MRPL42: variants seen among roughly 807,000 people sequenced by gnomAD.
MRPL42 encodes mitochondrial ribosomal protein L42, also known as large ribosomal subunit protein mL42.
A neutral mutation model predicts 17.9 loss-of-function variants in MRPL42; 17 were observed. That is an observed-to-expected ratio of 0.95 (90% confidence interval 0.65 to 1.42). MRPL42 has a LOEUF of 1.42. Among genes scored for constraint, MRPL42 ranks in the 40% most tolerant of loss-of-function variants. The pLI is 0.00. For missense variants in MRPL42, 177 were observed against 175.2 expected, an observed-to-expected ratio of 1.01 and a Z score of -0.06; for synonymous variants, 59 against 54.4, an observed-to-expected ratio of 1.08 and a Z score of -0.37.
chr12:93,497,270 A>G (rs1953523657), intron 5 of MRPL42, among the ~76,000 whole-genome samples: 1 of 152,164 alleles, frequency 6.6e-6, no homozygotes, highest in African/African-American at 2.4e-5. Context: ...TGACAGAGAC[A>G]TAACAGAAAA....
At position 93,501,188 on chromosome 12, in the gene MRPL42, T is replaced by C. The variant is rs761979314; in HGVS notation, c.396T>C (p.Cys132=). The part of the protein sequence containing the change: ...RWYPHGRYHR[C]RKNLNPPKDR ...TCTTCTTTTCAAGGTATCACAGATG[T>C]CGTAAGAATCTGAATCCTCCAAAAG... Residue 132 remains cysteine (C), a synonymous_variant, in exon 6 of 6, where the codon TGT becomes TGC. Coordinates refer to ENST00000549982, the MANE Select transcript of MRPL42 (RefSeq NM_014050.4). The C allele has an allele frequency of 1.9e-6, 3 of 1,600,664 alleles. No homozygotes were observed. The African/African-American group carries it at 4.0e-5, about 22-fold the overall frequency.
rs1209752797 is a variant in MRPL42, at chr12:93,510,703, A to G, written c.*9482A>G. The G allele has an allele frequency of 6.6e-6, 1 of 152,156 alleles. No homozygotes were observed. Among genetic ancestry groups the G allele is most frequent in the Non-Finnish European group, 1.5e-5 (1 of 68,032 alleles). The allele number at this position is 152,156 out of a possible 1,614,324, so 9.4% of individuals were successfully genotyped here. ...TCTGCTCAGACAGCTCATCCACATC[A>G]CATTTATTTTAATTTGCATTTCCCT... On this transcript the variant is annotated 3_prime_UTR_variant, in exon 6 of 6. Transcript: ENST00000549982.
Position 93,513,726 on chromosome 12 carries a change from A to C in MRPL42, c.*12505A>C, listed in dbSNP as rs1413977794. On this transcript the variant is annotated 3_prime_UTR_variant, in exon 6 of 6. Transcript: ENST00000549982. ...TTTATTGAAATTTAATTTTATATCC[A>C]TTAACATAATTAAAAATTGGGGCTT... 1 of 152,176 alleles carries C rather than the reference A, an allele frequency of 6.6e-6. No individual in the cohort carries two copies. Among genetic ancestry groups the C allele is most frequent in the Non-Finnish European group, 1.5e-5 (1 of 68,024 alleles). 9.4% of individuals were successfully genotyped at this position (152,176 alleles called of 1,614,324 possible). A position where few individuals can be genotyped will look rare whatever the true frequency, so the allele number is the denominator to read the frequency against.
rs1406768353 is a variant in MRPL42, at chr12:93,513,663, A to T, written c.*12442A>T. The T allele has an allele frequency of 1.3e-5, 2 of 151,966 alleles. No individual in the cohort carries two copies. Among genetic ancestry groups the T allele is most frequent in the African/African-American group, 4.8e-5 (2 of 41,420 alleles). The allele number at this position is 151,966 out of a possible 1,614,324, so 9.4% of individuals were successfully genotyped here. A position where few individuals can be genotyped will look rare whatever the true frequency, so the allele number is the denominator to read the frequency against. On this transcript the variant is annotated 3_prime_UTR_variant, in exon 6 of 6. Coordinates refer to ENST00000549982, the MANE Select transcript of MRPL42 (RefSeq NM_014050.4). ...CATTTTCAGTGAAAGTTTTTAAATA[A>T]TTTTTTCTCTTTCCGTTTTATGTGT... is the stretch of plus-strand genomic sequence containing the variant.
At chr12:93,479,283 C>T in intron 3 of MRPL42, 105 bp from the exon 4 acceptor site, 1 of 613,036 alleles carries the variant, frequency 1.6e-6, no homozygotes, top group East Asian at 3.2e-5. Context: ...CACTGCACTC[C>T]AGCCTGGGTG....
intron 2 of MRPL42, among the ~76,000 whole-genome samples, chr12:93,475,992 A>AAAAC (rs1880154037): frequency 6.6e-6 from 1 of 152,150 alleles, no homozygotes; most frequent in South Asian, 2.1e-4. Flanking sequence ...AAAACAAAAC[A>AAAAC]AAACAACAAC....
chr12:93,513,732 ATAAT>A lies in MRPL42; in HGVS notation c.*12515_*12518del, dbSNP rs1314722869. 4 of 152,194 alleles carry A rather than the reference ATAAT, an allele frequency of 2.6e-5. No individual in the cohort carries two copies. Among genetic ancestry groups the A allele is most frequent in the African/African-American group, 9.6e-5 (4 of 41,466 alleles). 9.4% of individuals were successfully genotyped at this position (152,194 alleles called of 1,614,324 possible). A position where few individuals can be genotyped will look rare whatever the true frequency, so the allele number is the denominator to read the frequency against. ...GAAATTTAATTTTATATCCATTAAC[ATAAT>A]TAAAAATTGGGGCTTTTAAAAAATG... On this transcript the variant is annotated 3_prime_UTR_variant, in exon 6 of 6. Transcript: ENST00000549982.
At chr12:93,480,410 C>T (rs546957536) in intron 4 of MRPL42, among the ~76,000 whole-genome samples, 11 of 152,068 alleles carry the variant, frequency 7.2e-5, no homozygotes, top group African/African-American at 2.2e-4. Context: ...CATGAGCCAC[C>T]GTGCCCGGCC....
intron 1 of MRPL42, 137 bp downstream of exon 1, chr12:93,467,691 C>T (rs1414624375): frequency 6.5e-6 from 1 of 152,700 alleles, no homozygotes; most frequent in Non-Finnish European, 1.5e-5. Context: ...CAGCCTTTGT[C>T]CTTCCTGCAG....
chr12:93,499,772 A>C (rs887643514), intron 5 of MRPL42, among the ~76,000 whole-genome samples: 6 of 152,180 alleles, frequency 3.9e-5, no homozygotes, highest in Admixed American at 3.9e-4. Context: ...GCAAATTTTC[A>C]AAAATAAAAT....
chr12:93,492,275 A>C (rs1364853402), intron 5 of MRPL42, among the ~76,000 whole-genome samples: 7 of 152,190 alleles, frequency 4.6e-5, no homozygotes, highest in Non-Finnish European at 1.0e-4. Flanking sequence ...AGCCTTGCCA[A>C]CATTTATTAT....
At chr12:93,484,977 C>T (rs369238008) in intron 4 of MRPL42, among the ~76,000 whole-genome samples, 3,921 of 28,156 alleles carry the variant, frequency 0.14, 874 homozygotes, top group Middle Eastern at 0.27. Flanking sequence ...CACACACACA[C>T]ACATATATAT....
At chr12:93,491,605 G>T (rs1228242179) in intron 5 of MRPL42, among the ~76,000 whole-genome samples, 1 of 152,124 alleles carries the variant, frequency 6.6e-6, no homozygotes, top group Non-Finnish European at 1.5e-5. Context: ...TTTCCTAGGA[G>T]ACCCTAAGAT....
At position 93,504,730 on chromosome 12, in the gene MRPL42, G is replaced by A. The variant is rs1432083680; in HGVS notation, c.*3509G>A. On this transcript the variant is annotated 3_prime_UTR_variant, in exon 6 of 6. Transcript: ENST00000549982. ...ACATTGTTTATATGCCCCCTAAAAT[G>A]TAACTTCTTTAGATTCTGTTGTTAC... 1 of 152,082 alleles carries A rather than the reference G, an allele frequency of 6.6e-6. No individual in the cohort carries two copies. The highest frequency in any genetic ancestry group is 1.9e-4 in the East Asian group (1 of 5,198). The allele number at this position is 152,082 out of a possible 1,614,324, so 9.4% of individuals were successfully genotyped here.
chr12:93,481,413 TC>T (rs1163118592), intron 4 of MRPL42, among the ~76,000 whole-genome samples: 1 of 152,190 alleles, frequency 6.6e-6, no homozygotes, highest in Non-Finnish European at 1.5e-5. Context: ...CAAATCTAGA[TC>T]ATTTCTCTTC....
At position 93,508,171 on chromosome 12, in the gene MRPL42, C is replaced by T. The variant is rs1427880503; in HGVS notation, c.*6950C>T. 1 of 152,090 alleles carries T rather than the reference C, an allele frequency of 6.6e-6. No homozygotes were observed. Among genetic ancestry groups the T allele is most frequent in the African/African-American group, 2.4e-5 (1 of 41,352 alleles). 9.4% of individuals were successfully genotyped at this position (152,090 alleles called of 1,614,324 possible). ...TGTTGGTCAGGCTGGTCTTGAATTC[C>T]CCACCTCAGGTGATCTGCCTGCCTC... On this transcript the variant is annotated 3_prime_UTR_variant, in exon 6 of 6. Coordinates refer to ENST00000549982, the MANE Select transcript of MRPL42 (RefSeq NM_014050.4).
chr12:93,487,749 G>A, intron 5 of MRPL42, 89 bp downstream of exon 5: 1 of 1,209,710 alleles, frequency 8.3e-7, no homozygotes, highest in Non-Finnish European at 1.1e-6. Context: ...CTGAAGTGGT[G>A]TTTTGCATGA....
chr12:93,492,306 A>G (rs1195130020), intron 5 of MRPL42, among the ~76,000 whole-genome samples: 1 of 152,196 alleles, frequency 6.6e-6, no homozygotes, highest in Admixed American at 6.5e-5. Context: ...TTTTAATAAT[A>G]GCCATTCTAA....
Position 93,514,392 on chromosome 12 carries a change from C to T in MRPL42, c.*13171C>T, listed in dbSNP as rs1279539070. ...AGCTCAAGCGATTCTTGTGCCTCAG[C>T]CTCCTGAGTAGCTGGGATTACAGGC... On this transcript the variant is annotated 3_prime_UTR_variant, in exon 6 of 6. Coordinates refer to ENST00000549982, the MANE Select transcript of MRPL42 (RefSeq NM_014050.4). 1.3e-5 allele frequency: 2 copies of T among 150,872 alleles called. No individual in the cohort carries two copies. Among genetic ancestry groups the T allele is most frequent in the Non-Finnish European group, 2.9e-5 (2 of 67,886 alleles). 9.3% of individuals were successfully genotyped at this position (150,872 alleles called of 1,614,324 possible). A position where few individuals can be genotyped will look rare whatever the true frequency, so the allele number is the denominator to read the frequency against.
Sources: allele counts gnomAD v4.1 joint callset (sites outside exome capture counted in the v4.1 genomes callset), GRCh38; gene constraint gnomAD v4.1.1; transcripts MANE v1.5; gene names NCBI Gene and HGNC (gene_info 2026-07-23, HGNC 2026-07-21).